OBP2B: variants seen among roughly 807,000 people sequenced by gnomAD.
OBP2B encodes odorant-binding protein 2b.
A neutral mutation model predicts 21.7 loss-of-function variants in OBP2B; 10 were observed. The ratio of observed to expected loss-of-function variants is 0.46; its 90% confidence interval spans 0.28 to 0.78. OBP2B has a LOEUF of 0.78. Among genes scored for constraint, OBP2B ranks in the 30% least tolerant of loss-of-function variants. The probability of loss-of-function intolerance (pLI) is 0.11; values close to 1 mark genes in which losing one functional copy is unlikely to be tolerated. For synonymous variants in OBP2B, 73 were observed against 91.5 expected (o/e 0.80, Z 1.16); for missense variants, 153 against 217.7 (o/e 0.70, Z 1.87).
the OBP2B span, among the ~76,000 whole-genome samples, chr9:133,216,792 G>A: frequency 2.6e-5 from 4 of 152,106 alleles, no homozygotes; most frequent in East Asian, 7.7e-4. Flanking sequence ...TGCAATAGAC[G>A]ACATTCTTGC....
At chr9:133,218,840 C>T in the OBP2B span, among the ~76,000 whole-genome samples, 24 of 152,100 alleles carry the variant, frequency 1.6e-4, no homozygotes, top group Admixed American at 1.3e-3. Flanking sequence ...ATAGGAGAGC[C>T]CTCTGCAGAG....
At position 133,207,251 on chromosome 9, in the gene OBP2B, G is replaced by A. The variant is rs573212275; in HGVS notation, c.363C>T (p.Gly121=). The change falls in exon 4 of 7, where the codon GGC becomes GGT. Residue 121 remains glycine, a synonymous_variant. Coordinates refer to ENST00000372034, the MANE Select transcript of OBP2B (RefSeq NM_014581.4). ...CCACAAGCTTTCCCATGTGGAGCAG[G>A]CCCCCATGGTGCTGGTCTTTGCAGT... The part of the protein sequence containing the change: ...IFYCKDQHHG[G]LLHMGKLVGR... 1.7e-5 allele frequency: 27 copies of A among 1,612,912 alleles called. No homozygotes were observed. Among genetic ancestry groups the A allele is most frequent in the Admixed American group, 3.3e-5 (2 of 59,986 alleles).
rs1833850958 is a variant in OBP2B, at chr9:133,209,069, C to T, written c.72+59G>A. On this transcript the variant is annotated intron_variant, in intron 1 of 6. Coordinates refer to ENST00000372034, the MANE Select transcript of OBP2B (RefSeq NM_014581.4). The surrounding 1 kb of genome is among the most constrained non-coding windows in gnomAD (Gnocchi z 6.0). The stretch of plus-strand genomic sequence containing the variant: ...ACCTCCTAAAGCAGGGCCCCTGGCA[C>T]TGCCCCCTGCCCAGGAGTCCGCCTG... 7.5e-6 allele frequency: 12 copies of T among 1,605,096 alleles called. No individual in the cohort carries two copies. The highest frequency in any genetic ancestry group is 2.2e-5 in the East Asian group (1 of 44,460).
At chr9:133,221,124 G>T in the OBP2B span, among the ~76,000 whole-genome samples, 16 of 152,210 alleles carry the variant, frequency 1.1e-4, no homozygotes, top group African/African-American at 3.9e-4. Context: ...TGTGGTTGTG[G>T]GTTTTTTGAC....
the OBP2B span, among the ~76,000 whole-genome samples, chr9:133,220,303 C>T: frequency 1.3e-5 from 2 of 152,222 alleles, no homozygotes; most frequent in Non-Finnish European, 2.9e-5. Context: ...AACCACCTCC[C>T]CAGAGAAGCC....
At chr9:133,210,987 G>A (rs1168461846), upstream of OBP2B, among the ~76,000 whole-genome samples, 5 of 152,114 alleles carry the variant, frequency 3.3e-5, no homozygotes, top group South Asian at 2.1e-4. Flanking sequence ...TTGGGCTGCC[G>A]CTACCACACA....
the OBP2B span, among the ~76,000 whole-genome samples, chr9:133,222,949 A>C: frequency 1.3e-5 from 2 of 151,916 alleles, no homozygotes; most frequent in African/African-American, 4.8e-5. Flanking sequence ...CTCCCTTCAG[A>C]ACACCCCTTC....
At chr9:133,207,113 C>T (rs1489204878) in intron 4 of OBP2B, 113 bp downstream of exon 4, 17 of 753,182 alleles carry the variant, frequency 2.3e-5, no homozygotes, top group Middle Eastern at 3.3e-4. Context: ...ACATGAAAGC[C>T]GGCACAGGGG....
intron 4 of OBP2B, 56 bp downstream of exon 4, chr9:133,207,170 G>A (rs781910511): frequency 4.9e-6 from 6 of 1,219,398 alleles, no homozygotes; most frequent in Non-Finnish European, 4.9e-6. Context: ...GGTTCCACCG[G>A]CTTCCAGAGG....
chr9:133,218,167 G>A, the OBP2B span, among the ~76,000 whole-genome samples: 1 of 152,212 alleles, frequency 6.6e-6, no homozygotes, highest in African/African-American at 2.4e-5. Context: ...CCATGAGCTC[G>A]TCAGCTGGAA....
upstream of OBP2B, among the ~76,000 whole-genome samples, chr9:133,210,770 T>C (rs1833901466): frequency 6.6e-6 from 1 of 152,222 alleles, no homozygotes; most frequent in African/African-American, 2.4e-5. Flanking sequence ...TCCACCCATC[T>C]TGCCCTGTGT....
At chr9:133,220,451 T>C in the OBP2B span, among the ~76,000 whole-genome samples, 10 of 152,114 alleles carry the variant, frequency 6.6e-5, no homozygotes, top group Non-Finnish European at 1.3e-4. Flanking sequence ...GTTCCCCCCA[T>C]GGGCAGACTG....
intron 4 of OBP2B, 54 bp from the exon 5 acceptor site, chr9:133,206,470 A>G (rs1445752279): frequency 6.2e-7 from 1 of 1,606,186 alleles, no homozygotes; most frequent in Non-Finnish European, 8.5e-7. Flanking sequence ...ACGGCCCTGC[A>G]GGGAGCAGAT....
the OBP2B span, among the ~76,000 whole-genome samples, chr9:133,223,087 T>G: frequency 6.6e-6 from 1 of 152,160 alleles, no homozygotes; most frequent in Non-Finnish European, 1.5e-5. This position sits in a 1 kb window ranked among gnomAD's most constrained non-coding sequence, Gnocchi z 4.4. Context: ...CAAAATGCCG[T>G]ATTTAACACA....
intron 1 of OBP2B, among the ~76,000 whole-genome samples, 176 bp downstream of exon 1, chr9:133,208,952 C>T (rs1161194762): frequency 6.6e-6 from 1 of 152,050 alleles, no homozygotes; most frequent in Non-Finnish European, 1.5e-5. Context: ...GGCCCTGGGC[C>T]TCGGGGGGCC....
In OBP2B at chr9:133,209,011, G is replaced by C. The variant is rs1405552225; in HGVS notation, c.72+117C>G. 1 of 954,304 alleles carries C rather than the reference G, an allele frequency of 1.0e-6. No homozygotes were observed. Among genetic ancestry groups the C allele is most frequent in the African/African-American group, 1.7e-5 (1 of 59,320 alleles). 59.1% of individuals were successfully genotyped at this position (954,304 alleles called of 1,614,324 possible). A position where few individuals can be genotyped will look rare whatever the true frequency, so the allele number is the denominator to read the frequency against. On this transcript the variant is annotated intron_variant, in intron 1 of 6. Transcript: ENST00000372034. The surrounding 1 kb of genome is among the most constrained non-coding windows in gnomAD (Gnocchi z 6.0). ...ACCCCTCCACCACCACCCCAGGCTG[G>C]GAGCACGGGGTCAGAAGCCAGCCTT...
At chr9:133,210,212 C>A (rs1179814994), upstream of OBP2B, among the ~76,000 whole-genome samples, 3 of 152,180 alleles carry the variant, frequency 2.0e-5, no homozygotes, top group Admixed American at 1.3e-4. Context: ...CCGGACCCTG[C>A]ATTTCCCAGG....
the OBP2B span, among the ~76,000 whole-genome samples, chr9:133,218,772 G>A: frequency 2.3e-3 from 350 of 152,256 alleles, 2 homozygotes; most frequent in African/African-American, 8.2e-3. Context: ...GCGTGGACGG[G>A]ACACAGATTG....
the OBP2B span, among the ~76,000 whole-genome samples, chr9:133,221,877 G>A: frequency 1.3e-5 from 2 of 152,142 alleles, no homozygotes; most frequent in African/African-American, 4.8e-5. Flanking sequence ...AGATGGAAGT[G>A]AGAATCTTGA....
Sources: gnomAD v4.1 joint callset for allele counts (sites outside exome capture counted in the v4.1 genomes callset) on GRCh38, gnomAD v4.1.1 for gene constraint, Gnocchi (gnomAD v3.1) non-coding constraint, MANE v1.5 for transcripts, NCBI Gene and HGNC (gene_info 2026-07-23, HGNC 2026-07-21) for gene names.